GSK3B: variants seen among roughly 807,000 people sequenced by gnomAD.
GSK3B encodes the protein glycogen synthase kinase 3 beta.
In GSK3B, 15 loss-of-function variants were observed where a neutral mutation model predicts 56.4. The ratio of observed to expected loss-of-function variants is 0.27; its 90% CI spans 0.18 to 0.41. The LOEUF (loss-of-function observed/expected upper bound fraction) is 0.41, where lower values mean the gene tolerates loss of function less well. GSK3B is among the 10% of genes least tolerant of loss of function. The pLI is 1.00. For missense variants in GSK3B, 300 were observed against 513.4 expected (o/e 0.58, Z 4.02); for synonymous variants, 181 against 188.9 (o/e 0.96, Z 0.34).
At chr3:119,937,002 T>C (rs958193412) in intron 3 of GSK3B, among the ~76,000 whole-genome samples, 8 of 152,048 alleles carry the variant, frequency 5.3e-5, no homozygotes, top group African/African-American at 1.7e-4. Flanking sequence ...AAAACAATGT[T>C]AATAAATTTT....
chr3:119,989,089 GA>G (rs151260587), intron 2 of GSK3B, among the ~76,000 whole-genome samples: 1,840 of 152,244 alleles, frequency 0.012, 32 homozygotes, highest in African/African-American at 0.042. Context: ...CTGAAAACTA[GA>G]TGTTTCAGCA....
intron 3 of GSK3B, among the ~76,000 whole-genome samples, chr3:119,945,964 G>A (rs984677132): frequency 4.6e-5 from 7 of 151,542 alleles, no homozygotes; most frequent in Admixed American, 4.6e-4. Flanking sequence ...ACAGGAAAAA[G>A]CAAACACATG....
intron 1 of GSK3B, among the ~76,000 whole-genome samples, chr3:120,012,132 T>G (rs1007200590): frequency 6.6e-6 from 1 of 152,234 alleles, no homozygotes; most frequent in East Asian, 1.9e-4. Flanking sequence ...CAGAGACACT[T>G]TGGCAACATT....
chr3:119,959,270 A>G (rs1382444310), intron 2 of GSK3B, among the ~76,000 whole-genome samples: 1 of 152,156 alleles, frequency 6.6e-6, no homozygotes, highest in East Asian at 1.9e-4. Context: ...TCAGACTCCC[A>G]ATTGTATATC....
chr3:119,873,058 C>T (rs148782136), intron 8 of GSK3B, among the ~76,000 whole-genome samples: 130 of 152,236 alleles, frequency 8.5e-4, no homozygotes, highest in African/African-American at 2.9e-3. Context: ...CCCTCACCTC[C>T]AATAATAATC....
At chr3:119,984,724 T>C (rs1488434682) in intron 2 of GSK3B, among the ~76,000 whole-genome samples, 6 of 152,210 alleles carry the variant, frequency 3.9e-5, no homozygotes, top group East Asian at 1.9e-4. Context: ...CAATGATTAA[T>C]AGTCTACCAA....
At chr3:120,047,684 C>A (rs758387764) in intron 1 of GSK3B, among the ~76,000 whole-genome samples, 5 of 152,156 alleles carry the variant, frequency 3.3e-5, no homozygotes, top group Non-Finnish European at 5.9e-5. Flanking sequence ...AGCAATGGAA[C>A]AGAATGATGA....
At chr3:119,867,914 C>CA (rs975976101) in intron 8 of GSK3B, among the ~76,000 whole-genome samples, 2 of 151,750 alleles carry the variant, frequency 1.3e-5, no homozygotes, top group African/African-American at 4.8e-5. Context: ...ACCAGGTGGA[C>CA]AAAAATAGAA....
chr3:120,010,455 T>C (rs1375074216), intron 1 of GSK3B, among the ~76,000 whole-genome samples: 1 of 152,216 alleles, frequency 6.6e-6, no homozygotes, highest in East Asian at 1.9e-4. Context: ...AATGCATTCT[T>C]ACAATCCAAT....
chr3:119,946,159 T>C (rs1253876120), intron 3 of GSK3B, among the ~76,000 whole-genome samples: 2 of 151,772 alleles, frequency 1.3e-5, no homozygotes, highest in African/African-American at 4.8e-5. Context: ...TTAAAACGTA[T>C]TGTGTAATAC....
Position 119,998,955 on chromosome 3 carries a change from GCCTATATCAAGGTTTAAAGTGCTCT to G in GSK3B, c.282+3066_282+3090del, listed in dbSNP as rs1160569519. On this transcript the variant is annotated intron_variant, in intron 2 of 10. Coordinates refer to ENST00000264235, the MANE Select transcript of GSK3B (RefSeq NM_001146156.2). ...ATGGATAAAATCTAACTGGAAGACA[GCCTATATCAAGGTTTAAAGTGCTCT>G]CCTATATCAAGGTTTAAAGTTTAAA... 1.2e-4 allele frequency among the ~76,000 whole-genome samples: 19 copies of G among 152,288 alleles called. No individual in the cohort carries two copies. In the South Asian group the frequency reaches 3.9e-3, roughly 32 times the overall value.
At chr3:120,054,731 C>T (rs914385769) in intron 1 of GSK3B, among the ~76,000 whole-genome samples, 1 of 152,112 alleles carries the variant, frequency 6.6e-6, no homozygotes, top group South Asian at 2.1e-4. Flanking sequence ...TCATACAAGT[C>T]TCCTGATAGC....
intron 3 of GSK3B, among the ~76,000 whole-genome samples, chr3:119,944,668 C>T (rs2057082910): frequency 1.3e-5 from 2 of 152,164 alleles, no homozygotes; most frequent in African/African-American, 4.8e-5. Context: ...GTCACTTCTC[C>T]ACCTAGAGCC....
intron 2 of GSK3B, among the ~76,000 whole-genome samples, chr3:119,953,392 G>C (rs1005958954): frequency 5.3e-5 from 8 of 152,034 alleles, no homozygotes; most frequent in Admixed American, 1.3e-4. Context: ...CAATCAAAAG[G>C]CTATATAAAA....
intron 1 of GSK3B, among the ~76,000 whole-genome samples, chr3:120,073,841 A>C (rs1033678917): frequency 2.0e-5 from 3 of 152,190 alleles, no homozygotes; most frequent in African/African-American, 7.2e-5. Context: ...AGATACAAAC[A>C]AGTTGCTTAA....
chr3:119,855,605 T>G (rs1383706955), intron 9 of GSK3B, among the ~76,000 whole-genome samples: 1 of 152,010 alleles, frequency 6.6e-6, no homozygotes, highest in Non-Finnish European at 1.5e-5. Flanking sequence ...ATAGACTGGA[T>G]TAAGAAAATG....
chr3:120,090,296 C>T (rs534347582), intron 1 of GSK3B, among the ~76,000 whole-genome samples: 18 of 151,796 alleles, frequency 1.2e-4, no homozygotes, highest in Non-Finnish European at 2.2e-4. Flanking sequence ...TTACTGCTCC[C>T]GAATATAAAT....
At chr3:120,004,230 T>A (rs1484294271) in intron 1 of GSK3B, among the ~76,000 whole-genome samples, 2 of 152,154 alleles carry the variant, frequency 1.3e-5, no homozygotes, top group Non-Finnish European at 2.9e-5. Context: ...GAGTAGGCAG[T>A]TCTATGCTCA....
intron 2 of GSK3B, among the ~76,000 whole-genome samples, chr3:119,972,213 TTTCAAGGTACAAC>T (rs2057373941): frequency 6.6e-6 from 1 of 152,182 alleles, no homozygotes; most frequent in African/African-American, 2.4e-5. Context: ...ATGTAAGAAA[TTTCAAGGTACAAC>T]ACAATGAGAT....
Sources: allele counts gnomAD v4.1 joint callset (sites outside exome capture counted in the v4.1 genomes callset), GRCh38; gene constraint gnomAD v4.1.1; transcripts MANE v1.5; gene names NCBI Gene and HGNC (gene_info 2026-07-23, HGNC 2026-07-21).